Variants in GLT6D1 observed in about 807,000 individuals in gnomAD.
GLT6D1 encodes putative glycosyltransferase 6 domain-containing protein 1.
In GLT6D1, 9 loss-of-function variants were observed where a neutral mutation model predicts 12.3. That is an observed-to-expected ratio of 0.73 (90% CI 0.44 to 1.27). The LOEUF is 1.27. Ranked by LOEUF, GLT6D1 falls within the 50% of genes most tolerant of loss-of-function variation. The pLI is 0.00. For missense variants in GLT6D1, 335 were observed against 346.2 expected (o/e 0.97, Z 0.26); for synonymous variants, 128 against 132.3 (o/e 0.97, Z 0.23).
Position 135,624,392 on chromosome 9 carries a change from T to G in GLT6D1, c.536A>C (p.Gln179Pro), listed in dbSNP as rs768963383. Residue 179 changes from glutamine to proline, a missense_variant, in exon 5 of 5, where the codon CAG (glutamine) becomes CCG (proline). Gln to Pro is a moderately conservative substitution (Grantham distance 76). Coordinates refer to ENST00000371763, the MANE Select transcript of GLT6D1 (RefSeq NM_182974.3). ...LFSMAANQVF[Q>P]NEFGVETLGP... ...CAGGGTCTCCACCCCGAACTCATTCTGGAAGACCTGGTTGGCAGCCATGCT... is the reference window on the plus strand; with the variant it reads ...CAGGGTCTCCACCCCGAACTCATTCGGGAAGACCTGGTTGGCAGCCATGCT... 2 of 1,614,224 alleles carry G rather than the reference T, an allele frequency of 1.2e-6. No homozygotes were observed. The highest frequency in any genetic ancestry group is 1.7e-6 in the Non-Finnish European group (2 of 1,180,042).
rs1296671240 is a variant in GLT6D1, at chr9:135,623,857, G to GA, written c.*239dup. On this transcript the variant is annotated 3_prime_UTR_variant, in exon 5 of 5. Coordinates refer to ENST00000371763, the MANE Select transcript of GLT6D1 (RefSeq NM_182974.3). ...TCTTTATCCTACATTAGCCAAATAA[G>GA]ATGGCTCAAAATGGCAAGAAGAAAC... 4.4e-6 allele frequency: 2 copies of GA among 450,478 alleles called. No individual in the cohort carries two copies. The highest frequency in any genetic ancestry group is 7.9e-6 in the Non-Finnish European group (2 of 254,654). The allele number at this position is 450,478 out of a possible 1,614,324, so 27.9% of individuals were successfully genotyped here. A position where few individuals can be genotyped will look rare whatever the true frequency, so the allele number is the denominator to read the frequency against.
At chr9:135,636,640 CA>C (rs1203367183) in intron 2 of GLT6D1, among the ~76,000 whole-genome samples, 1 of 152,144 alleles carries the variant, frequency 6.6e-6, no homozygotes, top group African/African-American at 2.4e-5. Context: ...CACTGCCCCC[CA>C]AAATTCCTTT....
At chr9:135,626,254 C>T (rs369187264) in intron 3 of GLT6D1, 48 bp from the exon 4 acceptor site, 35 of 1,602,918 alleles carry the variant, frequency 2.2e-5, no homozygotes, top group African/African-American at 1.3e-4. Flanking sequence ...ACTGAGGCGC[C>T]GGCAGCAGGT....
At chr9:135,638,400 G>A (rs989716663) in intron 2 of GLT6D1, among the ~76,000 whole-genome samples, 5 of 152,308 alleles carry the variant, frequency 3.3e-5, no homozygotes, top group Non-Finnish European at 7.3e-5. Context: ...TATATGCATA[G>A]AATTAGGTTG....
At position 135,639,502 on chromosome 9, in the gene GLT6D1, T is replaced by C. The variant is rs1260105541; in HGVS notation, c.-216A>G. The C allele has an allele frequency of 1.0e-5, 2 of 193,146 alleles. No individual in the cohort carries two copies. Among genetic ancestry groups the C allele is most frequent in the African/African-American group, 4.6e-5 (2 of 43,050 alleles). 12.0% of individuals were successfully genotyped at this position (193,146 alleles called of 1,614,324 possible). A position where few individuals can be genotyped will look rare whatever the true frequency, so the allele number is the denominator to read the frequency against. The stretch of plus-strand genomic sequence containing the variant: ...CCACTGCAGGGCTGTGCAAATAGAA[T>C]GAGGTCTTGATGAGGAAGTCTTCTT... On this transcript the variant is annotated 5_prime_UTR_variant, in exon 1 of 5. Transcript: ENST00000371763.
At chr9:135,625,320 A>C (rs992025789) in intron 4 of GLT6D1, among the ~76,000 whole-genome samples, 1 of 152,138 alleles carries the variant, frequency 6.6e-6, no homozygotes, top group African/African-American at 2.4e-5. Flanking sequence ...TCGACAGAGA[A>C]ACCCAGCACA....
chr9:135,639,002 A>G (rs749728176), intron 2 of GLT6D1, 115 bp downstream of exon 2: 14 of 597,242 alleles, frequency 2.3e-5, no homozygotes, highest in Non-Finnish European at 4.0e-5. Context: ...ACTGCACTCC[A>G]GCCTGGGCAA....
intron 2 of GLT6D1, among the ~76,000 whole-genome samples, chr9:135,638,499 A>C (rs923245456): frequency 1.3e-5 from 2 of 152,222 alleles, no homozygotes; most frequent in African/African-American, 4.8e-5. Context: ...GATAGTTTAT[A>C]ATTCATCTAA....
At chr9:135,638,520 T>C (rs933406936) in intron 2 of GLT6D1, among the ~76,000 whole-genome samples, 1 of 152,222 alleles carries the variant, frequency 6.6e-6, no homozygotes, top group Non-Finnish European at 1.5e-5. Flanking sequence ...AATGGCATTG[T>C]CACCTTTATT....
At position 135,636,318 on chromosome 9, in the gene GLT6D1, C is replaced by T. The variant is rs1217200746; in HGVS notation, c.71+2799G>A. ...GTGGTGAGTTGAGATCGCTCTACTG[C>T]ACTCCAGTCAGGGTGACAGAGTGAG... On this transcript the variant is annotated intron_variant, in intron 2 of 4. Transcript: ENST00000371763. Among the ~76,000 whole-genome samples the T allele has an allele frequency of 3.3e-5, 5 of 152,146 alleles. No homozygotes were observed. In the East Asian group the frequency reaches 9.6e-4, roughly 29 times the overall value.
chr9:135,633,398 C>T (rs1185100699), intron 2 of GLT6D1, among the ~76,000 whole-genome samples: 3 of 152,038 alleles, frequency 2.0e-5, no homozygotes, highest in African/African-American at 7.2e-5. Flanking sequence ...TACAGGTGCC[C>T]ACTGCCACGC....
upstream of GLT6D1, among the ~76,000 whole-genome samples, chr9:135,639,774 C>T (rs1833854097): frequency 6.6e-6 from 1 of 152,038 alleles, no homozygotes; most frequent in Non-Finnish European, 1.5e-5. Context: ...GGTTTACAAG[C>T]CCATAGGGAA....
At position 135,623,968 on chromosome 9, in the gene GLT6D1, T is replaced by C; in HGVS notation, c.*129A>G. 2 of 631,846 alleles carry C rather than the reference T, an allele frequency of 3.2e-6. No homozygotes were observed. The highest frequency in any genetic ancestry group is 5.5e-6 in the Non-Finnish European group (2 of 363,150). The allele number at this position is 631,846 out of a possible 1,614,324, so 39.1% of individuals were successfully genotyped here. On this transcript the variant is annotated 3_prime_UTR_variant, in exon 5 of 5. Transcript: ENST00000371763. ...CCTCATTTATAAGAAATTGCCGTGA[T>C]TCATTTATTCGTCATAAACCTCATG...
chr9:135,624,900 T>A (rs2119128438), intron 4 of GLT6D1, among the ~76,000 whole-genome samples: 2 of 147,170 alleles, frequency 1.4e-5, no homozygotes, highest in South Asian at 4.3e-4. Context: ...CAGGTAATTT[T>A]TTTTTTTTTT....
In GLT6D1 at chr9:135,626,116, G is replaced by A. The variant is rs1198476239; in HGVS notation, c.210C>T (p.Tyr70=). ...TFDRRVLEKH[Y]RRRNITVGLA... is the part of the protein sequence containing the mutation. ...GGCCCACAGTGATATTCCGCCTTCT[G>A]TAATGTTTTTCCAGGACCCGCCTGT... is the stretch of plus-strand genomic sequence containing the variant. Residue 70 remains tyrosine (Y), a synonymous_variant, in exon 4 of 5, where the codon TAC becomes TAT. Transcript: ENST00000371763. 6.2e-7 allele frequency: 1 copy of A among 1,614,058 alleles called. No homozygotes were observed. The highest frequency in any genetic ancestry group is 2.2e-5 in the East Asian group (1 of 44,880).
At chr9:135,632,041 C>T (rs775288694) in intron 2 of GLT6D1, among the ~76,000 whole-genome samples, 14 of 151,810 alleles carry the variant, frequency 9.2e-5, no homozygotes, top group Non-Finnish European at 2.1e-4. Context: ...CTTTGCATTT[C>T]AACACTGCGT....
Position 135,624,043 on chromosome 9 carries a change from G to A in GLT6D1, c.*54C>T. On this transcript the variant is annotated 3_prime_UTR_variant, in exon 5 of 5. Coordinates refer to ENST00000371763, the MANE Select transcript of GLT6D1 (RefSeq NM_182974.3). Reference sequence around the variant, plus strand: ...AATCATGTGCGACCTTGACGTATTGGATCTGTGGAGGAGGAGAAAATGCAA... The same window carrying A: ...AATCATGTGCGACCTTGACGTATTGAATCTGTGGAGGAGGAGAAAATGCAA... The A allele has an allele frequency of 9.1e-7, 1 of 1,097,896 alleles. No individual in the cohort carries two copies. Among genetic ancestry groups the A allele is most frequent in the Non-Finnish European group, 1.4e-6 (1 of 734,486 alleles). 68.0% of individuals were successfully genotyped at this position (1,097,896 alleles called of 1,614,324 possible).
intron 2 of GLT6D1, among the ~76,000 whole-genome samples, chr9:135,635,799 A>C (rs772513620): frequency 3.9e-5 from 6 of 152,200 alleles, no homozygotes; most frequent in Non-Finnish European, 7.3e-5. Context: ...AGTAAGGTAA[A>C]CGTGAGTTCA....
At chr9:135,639,070 C>T (rs1356780702) in intron 2 of GLT6D1, 47 bp downstream of exon 2, 3 of 1,015,208 alleles carry the variant, frequency 3.0e-6, no homozygotes, top group East Asian at 4.8e-5. Flanking sequence ...TTAAAACCAC[C>T]TCTGCCAATC....
Sources: gnomAD v4.1 joint callset for allele counts (sites outside exome capture counted in the v4.1 genomes callset) on GRCh38, gnomAD v4.1.1 for gene constraint, MANE v1.5 for transcripts, NCBI Gene and HGNC (gene_info 2026-07-23, HGNC 2026-07-21) for gene names.